DPP10: variants seen among roughly 807,000 people sequenced by gnomAD.
DPP10 encodes the protein inactive dipeptidyl peptidase 10.
In DPP10, 33 loss-of-function variants were observed where a neutral mutation model predicts 120.9. That is an observed-to-expected ratio of 0.27 (90% CI 0.21 to 0.37). The LOEUF is 0.37. DPP10 is among the 10% of genes least tolerant of loss of function. The pLI, the probability that DPP10 is intolerant of heterozygous loss-of-function variation, is 1.00. For missense variants in DPP10, 816 were observed against 942.8 expected (o/e 0.87, Z 1.76); for synonymous variants, 337 against 326.1 (o/e 1.03, Z -0.36).
intron 1 of DPP10, among the ~76,000 whole-genome samples, chr2:114,881,513 T>TGTCC (rs10627745): frequency 6.6e-6 from 1 of 151,254 alleles, no homozygotes; most frequent in Non-Finnish European, 1.5e-5. Flanking sequence ...TCTGTCTGTC[T>TGTCC]ATCTATCTAT....
intron 5 of DPP10, among the ~76,000 whole-genome samples, chr2:115,657,894 G>C (rs576737969): frequency 1.4e-4 from 22 of 151,988 alleles, no homozygotes; most frequent in Non-Finnish European, 2.9e-4. Context: ...TGTGTCTGAA[G>C]AGAACCTTCT....
chr2:115,177,974 A>G (rs2053817488), intron 1 of DPP10, among the ~76,000 whole-genome samples: 1 of 152,172 alleles, frequency 6.6e-6, no homozygotes, highest in Non-Finnish European at 1.5e-5. Context: ...TGTGTTAGCC[A>G]GGATGATCTC....
At chr2:115,777,136 T>A in intron 13 of DPP10, 72 bp from the exon 14 acceptor site, 1 of 1,340,556 alleles carries the variant, frequency 7.5e-7, no homozygotes, top group South Asian at 1.2e-5. Flanking sequence ...CACAAGCAGT[T>A]GGTACATTCG....
At chr2:114,756,043 A>G (rs964433359) in intron 1 of DPP10, among the ~76,000 whole-genome samples, 2 of 152,192 alleles carry the variant, frequency 1.3e-5, no homozygotes, top group Non-Finnish European at 2.9e-5. Flanking sequence ...AAAAAGTGCA[A>G]TCTTGAGAAC....
intron 5 of DPP10, among the ~76,000 whole-genome samples, chr2:115,624,514 GC>G (rs1381873912): frequency 6.6e-6 from 1 of 152,118 alleles, no homozygotes; most frequent in Non-Finnish European, 1.5e-5. Flanking sequence ...GCTACGTGCA[GC>G]CCATCACAAT....
At chr2:115,300,601 G>C (rs1183803714) in intron 1 of DPP10, among the ~76,000 whole-genome samples, 1 of 151,998 alleles carries the variant, frequency 6.6e-6, no homozygotes, top group Non-Finnish European at 1.5e-5. Flanking sequence ...TATATAACCA[G>C]AAGTGGAATT....
At chr2:115,059,789 A>T (rs1410991979) in intron 1 of DPP10, among the ~76,000 whole-genome samples, 1 of 151,878 alleles carries the variant, frequency 6.6e-6, no homozygotes, top group African/African-American at 2.4e-5. Context: ...GGAAATAGAC[A>T]AAGCAAGCTG....
At chr2:115,087,232 G>A (rs529773256) in intron 1 of DPP10, among the ~76,000 whole-genome samples, 9 of 152,278 alleles carry the variant, frequency 5.9e-5, no homozygotes, top group Admixed American at 3.3e-4. Context: ...TGAGTAGGCC[G>A]CGAGTTAAAA....
At chr2:115,613,581 A>G (rs777883671) in intron 5 of DPP10, among the ~76,000 whole-genome samples, 8 of 152,204 alleles carry the variant, frequency 5.3e-5, no homozygotes, top group South Asian at 2.1e-4. Context: ...CATTCTTCCA[A>G]TGGTTTCCTC....
intron 7 of DPP10, among the ~76,000 whole-genome samples, chr2:115,717,426 G>A (rs2092531731): frequency 6.6e-6 from 1 of 152,060 alleles, no homozygotes; most frequent in Non-Finnish European, 1.5e-5. Flanking sequence ...ACAGGCTTTG[G>A]AGCCAGGCTG....
At chr2:115,311,152 T>C (rs9646900) in intron 2 of DPP10, among the ~76,000 whole-genome samples, 3,192 of 152,330 alleles carry the variant, frequency 0.021, 49 homozygotes, top group Middle Eastern at 0.051. Flanking sequence ...GTGACATACC[T>C]GAGTTTGAGT....
intron 1 of DPP10, among the ~76,000 whole-genome samples, chr2:114,771,254 A>G (rs909454949): frequency 1.1e-4 from 17 of 152,214 alleles, no homozygotes; most frequent in African/African-American, 4.1e-4. Context: ...TTTGGGTTGC[A>G]GGAGACATTA....
intron 3 of DPP10, among the ~76,000 whole-genome samples, chr2:115,455,252 A>G (rs1276490420): frequency 6.6e-6 from 1 of 151,872 alleles, no homozygotes; most frequent in Non-Finnish European, 1.5e-5. Flanking sequence ...CTATACATTG[A>G]ATGCAATTTC....
intron 1 of DPP10, among the ~76,000 whole-genome samples, chr2:115,060,018 T>C (rs955212582): frequency 6.6e-6 from 1 of 152,112 alleles, no homozygotes; most frequent in African/African-American, 2.4e-5. Context: ...CCAACCCTTA[T>C]CTTCAATGTA....
At chr2:115,677,326 A>G (rs913272980) in intron 5 of DPP10, among the ~76,000 whole-genome samples, 1 of 152,236 alleles carries the variant, frequency 6.6e-6, no homozygotes, top group African/African-American at 2.4e-5. Context: ...AAAATCAACA[A>G]ACTGCAAAGA....
intron 1 of DPP10, among the ~76,000 whole-genome samples, chr2:115,285,003 A>G (rs1408276316): frequency 6.6e-6 from 1 of 152,058 alleles, no homozygotes; most frequent in African/African-American, 2.4e-5. Context: ...GCTAACTAGC[A>G]TTCATTGCAC....
chr2:115,485,467 G>A (rs1022891944), intron 3 of DPP10, among the ~76,000 whole-genome samples: 3 of 151,950 alleles, frequency 2.0e-5, no homozygotes, highest in Admixed American at 2.0e-4. Context: ...GGGTCTGATT[G>A]TTGTTAAGTA....
At chr2:115,580,326 A>G (rs1038924767) in intron 5 of DPP10, 1 of 152,208 alleles carries the variant, frequency 6.6e-6, no homozygotes, top group Admixed American at 6.5e-5. Flanking sequence ...TAGAAATGCT[A>G]TTACTGAAAT....
At chr2:115,591,457 A>G (rs1375047184) in intron 5 of DPP10, among the ~76,000 whole-genome samples, 1 of 152,116 alleles carries the variant, frequency 6.6e-6, no homozygotes, top group Non-Finnish European at 1.5e-5. Context: ...CAAAGATCAG[A>G]TGGTTGTAGA....
Sources: gnomAD v4.1 joint callset for allele counts (sites outside exome capture counted in the v4.1 genomes callset) on GRCh38, gnomAD v4.1.1 for gene constraint, MANE v1.5 for transcripts, NCBI Gene and HGNC (gene_info 2026-07-23, HGNC 2026-07-21) for gene names.